Variants in DARS1 observed in about 807,000 individuals in gnomAD.
DARS1 encodes aspartyl-tRNA synthetase 1.
In DARS1, 51 loss-of-function variants were observed where a neutral mutation model predicts 68.8. The observed-to-expected ratio is 0.74, with a 90% CI of 0.59 to 0.94. The LOEUF is 0.94. DARS1 is among the 40% of genes least tolerant of loss of function. The pLI is 0.00. For missense variants in DARS1, 607 were observed against 597.3 expected, an observed-to-expected ratio of 1.02 and a Z score of -0.17; for synonymous variants, 203 against 190.4, an observed-to-expected ratio of 1.07 and a Z score of -0.55.
chr2:135,926,618 T>C (rs563362992), intron 7 of DARS1, among the ~76,000 whole-genome samples: 126 of 152,322 alleles, frequency 8.3e-4, no homozygotes, highest in African/African-American at 2.9e-3. Flanking sequence ...TTACTAAATA[T>C]AAGATGTTCT....
chr2:135,942,050 T>C (rs1049418729), intron 5 of DARS1, among the ~76,000 whole-genome samples: 40 of 152,136 alleles, frequency 2.6e-4, no homozygotes, highest in African/African-American at 8.9e-4. Flanking sequence ...TTTTACACTG[T>C]TGGTGGGACT....
intron 7 of DARS1, 109 bp from the exon 8 acceptor site, chr2:135,924,607 T>A (rs1681175640): frequency 2.8e-6 from 4 of 1,429,022 alleles, no homozygotes; most frequent in Non-Finnish European, 3.7e-6. Flanking sequence ...TCAACATTTT[T>A]AAATTCTAAT....
chr2:135,922,727 AT>A (rs1448254183), intron 9 of DARS1, 56 bp downstream of exon 9: 3 of 1,455,668 alleles, frequency 2.1e-6, no homozygotes, highest in East Asian at 2.6e-5. Flanking sequence ...TGTTTCTAAA[AT>A]TATAACTGCT....
chr2:135,960,255 C>T (rs1037302640), intron 4 of DARS1, among the ~76,000 whole-genome samples: 10 of 152,126 alleles, frequency 6.6e-5, no homozygotes, highest in African/African-American at 2.4e-4. Context: ...TACTACTGAT[C>T]TCATCAATGA....
intron 5 of DARS1, among the ~76,000 whole-genome samples, chr2:135,935,694 C>T (rs1271683906): frequency 1.3e-5 from 2 of 152,160 alleles, no homozygotes; most frequent in South Asian, 2.1e-4. Context: ...GTCATAAAGA[C>T]TGAACTAGAG....
At chr2:135,968,725 G>A (rs183817134) in intron 3 of DARS1, among the ~76,000 whole-genome samples, 12 of 149,618 alleles carry the variant, frequency 8.0e-5, no homozygotes, top group African/African-American at 2.7e-4. Flanking sequence ...GTAGTGGTGC[G>A]ATCTCAGCTC....
chr2:135,941,634 G>A (rs1681598270), intron 5 of DARS1, among the ~76,000 whole-genome samples: 1 of 150,142 alleles, frequency 6.7e-6, no homozygotes, highest in South Asian at 2.1e-4. Flanking sequence ...AAAAGCAATG[G>A]CAACAAAAGC....
intron 5 of DARS1, among the ~76,000 whole-genome samples, chr2:135,939,124 T>A (rs984573195): frequency 6.6e-6 from 1 of 152,056 alleles, no homozygotes; most frequent in Non-Finnish European, 1.5e-5. Flanking sequence ...AACAAGGATA[T>A]CCAGGAATTG....
chr2:135,946,861 C>T (rs1339156872), intron 4 of DARS1, among the ~76,000 whole-genome samples: 2 of 152,110 alleles, frequency 1.3e-5, no homozygotes, highest in African/African-American at 4.8e-5. Flanking sequence ...CAACTCACTG[C>T]AAACTCATCT....
chr2:135,962,628 T>C (rs961109027), intron 3 of DARS1, among the ~76,000 whole-genome samples: 2 of 152,208 alleles, frequency 1.3e-5, no homozygotes, highest in Non-Finnish European at 2.9e-5. Context: ...AGACATAATC[T>C]ATTGACTTTA....
intron 5 of DARS1, among the ~76,000 whole-genome samples, chr2:135,942,907 T>C (rs1161180935): frequency 6.6e-6 from 1 of 152,216 alleles, no homozygotes; most frequent in Non-Finnish European, 1.5e-5. Flanking sequence ...TAGAATCTAT[T>C]TCTCTACCCC....
At chr2:135,948,087 T>C (rs1197778622) in intron 4 of DARS1, among the ~76,000 whole-genome samples, 1 of 152,238 alleles carries the variant, frequency 6.6e-6, no homozygotes, top group Admixed American at 6.5e-5. Flanking sequence ...TAGACCCGTT[T>C]TTTTTCTTAG....
intron 4 of DARS1, among the ~76,000 whole-genome samples, chr2:135,947,549 C>T (rs538733092): frequency 2.0e-5 from 3 of 152,064 alleles, no homozygotes; most frequent in Admixed American, 6.5e-5. Flanking sequence ...TTTAGGTAGA[C>T]ACTATCTCAT....
At chr2:135,919,360 G>A (rs1404445075) in intron 10 of DARS1, among the ~76,000 whole-genome samples, 2 of 152,128 alleles carry the variant, frequency 1.3e-5, no homozygotes, top group African/African-American at 4.8e-5. Context: ...ATACTCATTA[G>A]CCCTGCAATG....
chr2:135,922,124 TAATATA>T (rs548192273), intron 9 of DARS1, among the ~76,000 whole-genome samples: 4 of 152,210 alleles, frequency 2.6e-5, no homozygotes, highest in Admixed American at 2.6e-4. Flanking sequence ...AAAACCATAT[TAATATA>T]ATTTATTAAA....
intron 5 of DARS1, among the ~76,000 whole-genome samples, chr2:135,939,386 G>A (rs530148530): frequency 6.6e-6 from 1 of 152,294 alleles, no homozygotes; most frequent in East Asian, 1.9e-4. Flanking sequence ...CATGGAAACT[G>A]AACAACCTGC....
At chr2:135,963,582 G>A (rs1179917593) in intron 3 of DARS1, among the ~76,000 whole-genome samples, 2 of 152,106 alleles carry the variant, frequency 1.3e-5, no homozygotes, top group African/African-American at 4.8e-5. Context: ...ATGTTGGCCA[G>A]GCTGGTCTCG....
intron 5 of DARS1, among the ~76,000 whole-genome samples, chr2:135,937,135 T>C (rs554017416): frequency 6.6e-6 from 1 of 152,216 alleles, no homozygotes; most frequent in Admixed American, 6.5e-5. Context: ...GTCACGCAGG[T>C]TGGAGTGCAG....
intron 5 of DARS1, among the ~76,000 whole-genome samples, chr2:135,940,490 G>A (rs931362616): frequency 3.9e-5 from 6 of 152,112 alleles, no homozygotes; most frequent in Non-Finnish European, 8.8e-5. Flanking sequence ...TAATAAACTA[G>A]GTATAGATGA....
Sources: gnomAD v4.1 joint callset for allele counts (sites outside exome capture counted in the v4.1 genomes callset) on GRCh38, gnomAD v4.1.1 for gene constraint, MANE v1.5 for transcripts, NCBI Gene and HGNC (gene_info 2026-07-23, HGNC 2026-07-21) for gene names.